BAZ2B: variants seen among roughly 807,000 people sequenced by gnomAD.
The protein encoded by BAZ2B is bromodomain adjacent to zinc finger domain 2B, also known as bromodomain adjacent to zinc finger domain protein 2B.
A neutral mutation model predicts 246.0 loss-of-function variants in BAZ2B; 91 were observed. That is an observed-to-expected ratio of 0.37 (90% CI 0.31 to 0.44). BAZ2B has a LOEUF of 0.44. BAZ2B is among the 20% of genes least tolerant of loss of function. The pLI is 1.00. For missense variants in BAZ2B, 2,332 were observed against 2,533.7 expected (o/e 0.92, Z 1.71); for synonymous variants, 855 against 860.0 (o/e 0.99, Z 0.10).
At position 159,336,128 on chromosome 2, in the gene BAZ2B, T is replaced by G. The variant is rs552826203; in HGVS notation, c.5796+814A>C. ...GTGAGCCAAGATTGTGCCACTGCAC[T>G]CCAGCCTGGGTGAGCGAGACTCTGT... On this transcript the variant is annotated intron_variant, in intron 33 of 36. Transcript: ENST00000392783. Among the ~76,000 whole-genome samples, 18 of 152,282 alleles carry G rather than the reference T, an allele frequency of 1.2e-4. No individual in the cohort carries two copies. The South Asian group carries it at 3.5e-3, about 30-fold the overall frequency.
At chr2:159,397,454 A>T (rs141143366) in intron 18 of BAZ2B, 65 bp from the exon 19 acceptor site, 3 of 1,095,014 alleles carry the variant, frequency 2.7e-6, no homozygotes, top group Non-Finnish European at 3.9e-6. Flanking sequence ...TAAAAGTATT[A>T]AAAGTTCCTT....
At chr2:159,632,790 T>C in the BAZ2B span, among the ~76,000 whole-genome samples, 1 of 152,246 alleles carries the variant, frequency 6.6e-6, no homozygotes, top group Non-Finnish European at 1.5e-5. Context: ...ATTTCAAAAC[T>C]ATTAAAAATC....
intron 2 of BAZ2B, among the ~76,000 whole-genome samples, chr2:159,532,529 A>G (rs2085486216): frequency 6.6e-6 from 1 of 152,212 alleles, no homozygotes. Context: ...CAAGCATCTA[A>G]AAAGACAATG....
At chr2:159,693,973 C>T in the BAZ2B span, 2 of 151,944 alleles carry the variant, frequency 1.3e-5, no homozygotes, top group South Asian at 4.1e-4. Context: ...TAAAATTCAC[C>T]CCTAGGTTTT....
intron 2 of BAZ2B, among the ~76,000 whole-genome samples, chr2:159,481,919 G>A (rs1172382288): frequency 6.6e-6 from 1 of 151,926 alleles, no homozygotes; most frequent in Non-Finnish European, 1.5e-5. Context: ...ACAAGAAAAG[G>A]ATATTAATGG....
At chr2:159,698,583 T>A in the BAZ2B span, among the ~76,000 whole-genome samples, 1 of 150,964 alleles carries the variant, frequency 6.6e-6, no homozygotes, top group Admixed American at 6.6e-5. Flanking sequence ...GTACTATATA[T>A]TATATAGTAT....
chr2:159,646,826 C>T, the BAZ2B span, among the ~76,000 whole-genome samples: 9 of 151,962 alleles, frequency 5.9e-5, no homozygotes, highest in South Asian at 2.1e-4. Context: ...GATTTTTGCC[C>T]CTTTATAACA....
chr2:159,410,951 G>T (rs187553953), intron 14 of BAZ2B, among the ~76,000 whole-genome samples: 2 of 152,148 alleles, frequency 1.3e-5, no homozygotes, highest in Non-Finnish European at 2.9e-5. Flanking sequence ...TATGTGAGTG[G>T]TTGCATGTGT....
rs1036133569 is a variant in BAZ2B, at chr2:159,532,055, T to C, written c.-3+23768A>G. 8.5e-5 allele frequency among the ~76,000 whole-genome samples: 13 copies of C among 152,282 alleles called. No homozygotes were observed. The South Asian group carries it at 1.0e-3, about 12-fold the overall frequency. On this transcript the variant is annotated intron_variant, in intron 2 of 36. Coordinates refer to ENST00000392783, the MANE Select transcript of BAZ2B (RefSeq NM_013450.4). ...GGCTTAGAAACTAAGACAACAGAAG[T>C]ACATTGTATTTCCATTTAACAATCT...
At chr2:159,425,052 T>C (rs2069532817) in intron 13 of BAZ2B, among the ~76,000 whole-genome samples, 1 of 152,254 alleles carries the variant, frequency 6.6e-6, no homozygotes, top group African/African-American at 2.4e-5. Context: ...ACATGAAGCT[T>C]GGAAAACTGT....
chr2:159,598,634 G>A (rs1326437312), intron 1 of BAZ2B, among the ~76,000 whole-genome samples: 1 of 151,966 alleles, frequency 6.6e-6, no homozygotes, highest in Non-Finnish European at 1.5e-5. Flanking sequence ...TAGATTACAA[G>A]GTCAGGAGTT....
the BAZ2B span, among the ~76,000 whole-genome samples, chr2:159,652,084 T>C: frequency 0.066 from 10,077 of 152,252 alleles, 432 homozygotes; most frequent in Middle Eastern, 0.18. Flanking sequence ...TGCTGAGTCA[T>C]ATAATAACTA....
the BAZ2B span, among the ~76,000 whole-genome samples, chr2:159,698,848 T>C: frequency 6.6e-6 from 1 of 152,228 alleles, no homozygotes; most frequent in South Asian, 2.1e-4. Context: ...TCTTACATAA[T>C]TGAATAGTAA....
chr2:159,350,202 T>C lies in BAZ2B; in HGVS notation c.4369A>G (p.Asn1457Asp). Residue 1457 changes from asparagine (N) to aspartate (D), a missense_variant, in exon 28 of 37, where the codon AAT (asparagine) becomes GAT (aspartate). Coordinates refer to ENST00000392783, the MANE Select transcript of BAZ2B (RefSeq NM_013450.4). Reference sequence around the variant, plus strand: ...GAGCCAGGTTTCTGAAGGAATAGATTTGTGTTATCTTTTTCTTTAAGATCT... The same window carrying C: ...GAGCCAGGTTTCTGAAGGAATAGATCTGTGTTATCTTTTTCTTTAAGATCT... ...KEDLKEKDNTNLFLQKPGSFS... is the reference protein window; with the variant it reads ...KEDLKEKDNTDLFLQKPGSFS... The C allele has an allele frequency of 4.3e-6, 7 of 1,614,008 alleles. No individual in the cohort carries two copies. The highest frequency in any genetic ancestry group is 5.9e-6 in the Non-Finnish European group (7 of 1,179,950).
intron 2 of BAZ2B, among the ~76,000 whole-genome samples, chr2:159,486,079 A>G (rs564025455): frequency 1.3e-5 from 2 of 152,196 alleles, no homozygotes; most frequent in Admixed American, 1.3e-4. Context: ...AAGAGTTAAG[A>G]AAGATTTAAT....
At chr2:159,664,697 G>GAATCCAACTTACAAGGGA in the BAZ2B span, among the ~76,000 whole-genome samples, 2 of 69,626 alleles carry the variant, frequency 2.9e-5, no homozygotes, top group Non-Finnish European at 2.7e-5. Context: ...GTCTGTTCAT[G>GAATCCAACTTACAAGGGA]TCCTTCGCCC....
At chr2:159,331,565 TG>T (rs1321188708) in intron 34 of BAZ2B, among the ~76,000 whole-genome samples, 1 of 152,062 alleles carries the variant, frequency 6.6e-6, no homozygotes, top group Non-Finnish European at 1.5e-5. Context: ...TTAGTAGAGA[TG>T]GGGTTTTGCC....
chr2:159,426,761 T>TCACC (rs2069987535), intron 13 of BAZ2B, among the ~76,000 whole-genome samples: 1 of 152,144 alleles, frequency 6.6e-6, no homozygotes, highest in South Asian at 2.1e-4. Context: ...CTCAGCCTTG[T>TCACC]GTGTGACCTT....
rs568984412 is a variant in BAZ2B, at chr2:159,524,245, C to T, written c.-3+31578G>A. ...GACCAGCCTGGGCAACACAGCAAGA[C>T]CCCATCTCTACAAAAATTTTAAAAA... is the stretch of plus-strand genomic sequence containing the variant. On this transcript the variant is annotated intron_variant, in intron 2 of 36. Coordinates refer to ENST00000392783, the MANE Select transcript of BAZ2B (RefSeq NM_013450.4). 5.3e-5 allele frequency among the ~76,000 whole-genome samples: 8 copies of T among 152,006 alleles called. No individual in the cohort carries two copies. In the South Asian group the frequency reaches 1.7e-3, roughly 32 times the overall value.
Sources: allele counts gnomAD v4.1 joint callset (sites outside exome capture counted in the v4.1 genomes callset), GRCh38; gene constraint gnomAD v4.1.1; transcripts MANE v1.5; gene names NCBI Gene and HGNC (gene_info 2026-07-23, HGNC 2026-07-21).